The following PDE3A variants were observed in gnomAD, a reference collection of about 807,000 sequenced individuals.
PDE3A encodes the protein phosphodiesterase 3A.
In PDE3A, 43 loss-of-function variants were observed where a neutral mutation model predicts 98.3. The observed-to-expected ratio is 0.44, with a 90% CI of 0.34 to 0.56. PDE3A has a LOEUF of 0.56. PDE3A is among the 20% of genes least tolerant of loss of function. PDE3A has a pLI of 0.01. For missense variants in PDE3A, 1,427 were observed against 1,440.7 expected, an observed-to-expected ratio of 0.99 and a Z score of 0.15; for synonymous variants, 663 against 567.9, an observed-to-expected ratio of 1.17 and a Z score of -2.38.
intron 15 of PDE3A, among the ~76,000 whole-genome samples, chr12:20,673,764 G>C (rs950902412): frequency 5.4e-5 from 8 of 147,898 alleles, no homozygotes; most frequent in Admixed American, 1.4e-4. Flanking sequence ...CGAGTTAGTG[G>C]GTGCAGTGCA....
intron 5 of PDE3A, among the ~76,000 whole-genome samples, chr12:20,623,136 T>C (rs909350901): frequency 6.6e-6 from 1 of 152,070 alleles, no homozygotes. Context: ...GAAGAAAGAA[T>C]TATTAAACTG....
chr12:20,678,654 C>T (rs1945697011), intron 15 of PDE3A, among the ~76,000 whole-genome samples: 2 of 152,174 alleles, frequency 1.3e-5, no homozygotes, highest in Non-Finnish European at 2.9e-5. Context: ...CTTCATGAAG[C>T]TGGAACTGTA....
chr12:20,671,847 C>T (rs1945491753), intron 15 of PDE3A, among the ~76,000 whole-genome samples: 1 of 147,550 alleles, frequency 6.8e-6, no homozygotes, highest in Admixed American at 6.8e-5. Context: ...AAGTTCTGGC[C>T]AAGGCAATTA....
intron 2 of PDE3A, among the ~76,000 whole-genome samples, chr12:20,571,263 G>T (rs1424723563): frequency 6.6e-6 from 1 of 152,142 alleles, no homozygotes; most frequent in East Asian, 1.9e-4. Context: ...ATGAGGAAAT[G>T]AGGGAAAATA....
At chr12:20,533,478 CTTTTTTT>C (rs10707682) in intron 1 of PDE3A, among the ~76,000 whole-genome samples, 5 of 124,648 alleles carry the variant, frequency 4.0e-5, no homozygotes, top group African/African-American at 1.2e-4. Context: ...GTTTCTTTTT[CTTTTTTT>C]TTTTTTTTTG....
intron 1 of PDE3A, among the ~76,000 whole-genome samples, chr12:20,378,427 T>C (rs2120530266): frequency 6.6e-6 from 1 of 151,892 alleles, no homozygotes; most frequent in Non-Finnish European, 1.5e-5. Context: ...ATACATTTAT[T>C]ATGTGTATAA....
At chr12:20,502,424 A>G (rs185525300) in intron 1 of PDE3A, among the ~76,000 whole-genome samples, 3 of 152,278 alleles carry the variant, frequency 2.0e-5, no homozygotes, top group Admixed American at 6.5e-5. Context: ...ATATATGCCT[A>G]TGACTTAATC....
chr12:20,508,921 C>T (rs1448654462), intron 1 of PDE3A, among the ~76,000 whole-genome samples: 1 of 151,612 alleles, frequency 6.6e-6, no homozygotes, highest in Non-Finnish European at 1.5e-5. Context: ...CTTGGAGATG[C>T]CATTCTTACA....
intron 1 of PDE3A, among the ~76,000 whole-genome samples, chr12:20,393,470 G>A (rs1454614563): frequency 2.0e-5 from 3 of 151,992 alleles, no homozygotes; most frequent in African/African-American, 7.2e-5. Context: ...TACAATTCAA[G>A]ATAAGATTTG....
intron 2 of PDE3A, among the ~76,000 whole-genome samples, chr12:20,560,049 A>G (rs890729465): frequency 6.6e-6 from 1 of 152,156 alleles, no homozygotes; most frequent in African/African-American, 2.4e-5. Flanking sequence ...AAGAATTAGG[A>G]CCATTAACAC....
intron 2 of PDE3A, among the ~76,000 whole-genome samples, chr12:20,608,603 A>G (rs569456863): frequency 8.5e-5 from 13 of 152,214 alleles, no homozygotes; most frequent in African/African-American, 2.2e-4. Context: ...TTCAGTTTCT[A>G]TTTTAAAAAG....
At chr12:20,566,794 T>TG (rs1292679713) in intron 2 of PDE3A, among the ~76,000 whole-genome samples, 4 of 150,540 alleles carry the variant, frequency 2.7e-5, no homozygotes, top group African/African-American at 7.3e-5. Context: ...GTGCAGTGAA[T>TG]TTTTTTTTTG....
chr12:20,422,297 TCG>T (rs1944531268), intron 1 of PDE3A, among the ~76,000 whole-genome samples: 1 of 151,506 alleles, frequency 6.6e-6, no homozygotes, highest in South Asian at 2.1e-4. Context: ...TGAGCCAAGA[TCG>T]CACCACTGCA....
Position 20,605,134 on chromosome 12 carries a change from C to T in PDE3A, c.1012-8309C>T, listed in dbSNP as rs77772735. 2.8e-3 allele frequency among the ~76,000 whole-genome samples: 431 copies of T among 152,238 alleles called. 1 individual carries two copies. The highest frequency in any genetic ancestry group is 7.6e-3 in the Admixed American group (116 of 15,282). On this transcript the variant is annotated intron_variant, in intron 2 of 15. Transcript: ENST00000359062. ...AACAATTCCATTTTTCTGCAGGTGT[C>T]ATTTCTTTGTAGATATTTTGTTAGT...
At chr12:20,536,374 T>C (rs946303764) in intron 1 of PDE3A, among the ~76,000 whole-genome samples, 2 of 151,926 alleles carry the variant, frequency 1.3e-5, no homozygotes, top group Non-Finnish European at 2.9e-5. Flanking sequence ...AGAGGTATTA[T>C]TGAAATATGA....
intron 1 of PDE3A, among the ~76,000 whole-genome samples, chr12:20,379,151 T>C (rs537282123): frequency 6.6e-6 from 1 of 151,980 alleles, no homozygotes; most frequent in South Asian, 2.1e-4. Flanking sequence ...TTTGAAGTCA[T>C]AGAGATATTA....
chr12:20,639,771 C>T, intron 9 of PDE3A, 75 bp from the exon 10 acceptor site: 1 of 681,280 alleles, frequency 1.5e-6, no homozygotes. Flanking sequence ...CGATATTTAC[C>T]TAGTTTCACC....
rs1945809774 is a variant in PDE3A, at chr12:20,682,327, T to TTC, written c.*2060_*2061dup. 6.6e-6 allele frequency: 1 copy of TTC among 152,226 alleles called. No individual in the cohort carries two copies. Among genetic ancestry groups the TTC allele is most frequent in the Non-Finnish European group, 1.5e-5 (1 of 68,040 alleles). The allele number at this position is 152,226 out of a possible 1,614,324, so 9.4% of individuals were successfully genotyped here. ...TTGATTGTGATTTCCAGTTTTTATT[T>TTC]TCTCTGACGTAGTAGAAAGGAATGT... is the stretch of plus-strand genomic sequence containing the variant. On this transcript the variant is annotated 3_prime_UTR_variant, in exon 16 of 16. Transcript: ENST00000359062.
At chr12:20,595,255 G>T (rs1943437479) in intron 2 of PDE3A, among the ~76,000 whole-genome samples, 1 of 151,976 alleles carries the variant, frequency 6.6e-6, no homozygotes, top group Non-Finnish European at 1.5e-5. Context: ...ATGGCTGCTG[G>T]CAGCAACAAA....
Sources: allele counts gnomAD v4.1 joint callset (sites outside exome capture counted in the v4.1 genomes callset), GRCh38; gene constraint gnomAD v4.1.1; transcripts MANE v1.5; gene names NCBI Gene and HGNC (gene_info 2026-07-23, HGNC 2026-07-21).